Variants in ZFP82 observed in about 807,000 individuals in gnomAD.
ZFP82 encodes the protein zinc finger protein 82 homolog.
A neutral mutation model predicts 54.0 loss-of-function variants in ZFP82; 30 were observed. The ratio of observed to expected loss-of-function variants is 0.56; its 90% CI spans 0.42 to 0.75. The LOEUF is 0.75. Ranked by LOEUF, ZFP82 falls within the 30% of genes least tolerant of loss-of-function variation. The probability of loss-of-function intolerance (pLI) is 0.00; values close to 1 mark genes in which losing one functional copy is unlikely to be tolerated. For synonymous variants in ZFP82, 194 were observed against 209.5 expected, an observed-to-expected ratio of 0.93 and a Z score of 0.64; for missense variants, 500 against 636.8, an observed-to-expected ratio of 0.79 and a Z score of 2.31.
intron 4 of ZFP82, among the ~76,000 whole-genome samples, chr19:36,396,678 A>G (rs1600100138): frequency 6.6e-6 from 1 of 151,906 alleles, no homozygotes; most frequent in East Asian, 1.9e-4. Flanking sequence ...ATACATAAAT[A>G]AAGTAATTAA....
chr19:36,411,489 A>C (rs2032579696), intron 1 of ZFP82, among the ~76,000 whole-genome samples: 1 of 152,216 alleles, frequency 6.6e-6, no homozygotes, highest in Non-Finnish European at 1.5e-5. Flanking sequence ...CATAGATTTC[A>C]AAGTATGTAC....
At chr19:36,406,176 G>C (rs2032478452) in intron 3 of ZFP82, among the ~76,000 whole-genome samples, 1 of 152,040 alleles carries the variant, frequency 6.6e-6, no homozygotes, top group African/African-American at 2.4e-5. Context: ...AGCTTTCTGG[G>C]ACATGTATTA....
chr19:36,417,806 A>C (rs937983449), intron 1 of ZFP82, among the ~76,000 whole-genome samples: 1 of 152,186 alleles, frequency 6.6e-6, no homozygotes, highest in African/African-American at 2.4e-5. Flanking sequence ...TGGACTCTTC[A>C]GAGTTGTGAG....
In ZFP82 at chr19:36,390,329, G is replaced by GCCTTTTT. The variant is rs373296227; in HGVS notation, c.*2411_*2412insAAAAAGG. The GCCTTTTT allele has an allele frequency of 1.7e-5, 2 of 120,372 alleles. No homozygotes were observed. 7.5% of individuals were successfully genotyped at this position (120,372 alleles called of 1,614,324 possible). On this transcript the variant is annotated 3_prime_UTR_variant, in exon 5 of 5. Transcript: ENST00000392161. Reference sequence around the variant, plus strand: ...CTTTAAAGTGTAGGATTCCATTTTTGTCTTTTTTTTTTTTTTTTTTGACAT... The same window carrying GCCTTTTT: ...CTTTAAAGTGTAGGATTCCATTTTTGCCTTTTTTCTTTTTTTTTTTTTTTTTTGACAT...
rs748405846 is a variant in ZFP82, at chr19:36,408,368, G to T, written c.10-355C>A. Reference sequence around the variant, plus strand: ...ATTCCCAAGGAAGGTGAGTTCTTCCGCCCCTTTCTTCTTAAAGAACAGATT... The same window carrying T: ...ATTCCCAAGGAAGGTGAGTTCTTCCTCCCCTTTCTTCTTAAAGAACAGATT... On this transcript the variant is annotated intron_variant, in intron 2 of 4. Transcript: ENST00000392161. Among the ~76,000 whole-genome samples the T allele has an allele frequency of 4.8e-4, 73 of 152,026 alleles. 2 individuals are homozygous for T. The highest frequency in any genetic ancestry group is 1.2e-3 in the South Asian group (6 of 4,806).
At chr19:36,418,374 G>C (rs2032708907) in intron 1 of ZFP82, 118 bp downstream of exon 1, 2 of 152,328 alleles carry the variant, frequency 1.3e-5, no homozygotes, top group South Asian at 4.1e-4. Flanking sequence ...CTGCACCCAA[G>C]TCAGCCGCAC....
intron 1 of ZFP82, among the ~76,000 whole-genome samples, chr19:36,413,665 G>A (rs183293491): frequency 6.6e-6 from 1 of 152,212 alleles, no homozygotes; most frequent in Admixed American, 6.5e-5. Flanking sequence ...TCAAGATTCA[G>A]GATATGAACA....
intron 2 of ZFP82, 122 bp from the exon 3 acceptor site, chr19:36,408,135 TG>T: frequency 9.0e-7 from 1 of 1,106,968 alleles, no homozygotes; most frequent in South Asian, 1.6e-5. Flanking sequence ...AGGCTTGGGC[TG>T]GAAGCCTGCA....
rs1012243259 is a variant in ZFP82 at position 36,390,985 on chromosome 19, G to A, written c.*1756C>T. On this transcript the variant is annotated 3_prime_UTR_variant, in exon 5 of 5. Transcript: ENST00000392161. ...GGGTTTCACCGTGTTAGCCAGGATG[G>A]TCTTGATCTCCTGACCTCACGATCC... The A allele has an allele frequency of 1.3e-5, 2 of 152,226 alleles. No homozygotes were observed. Among genetic ancestry groups the A allele is most frequent in the African/African-American group, 4.8e-5 (2 of 41,398 alleles). The allele number at this position is 152,226 out of a possible 1,614,324, so 9.4% of individuals were successfully genotyped here. A position where few individuals can be genotyped will look rare whatever the true frequency, so the allele number is the denominator to read the frequency against.
chr19:36,404,747 G>C (rs1408863512), intron 4 of ZFP82, among the ~76,000 whole-genome samples: 1 of 152,088 alleles, frequency 6.6e-6, no homozygotes, highest in Non-Finnish European at 1.5e-5. Flanking sequence ...TCCCTCCCTC[G>C]AAATGCCCGT....
chr19:36,407,733 T>C (rs1420583508), intron 3 of ZFP82, among the ~76,000 whole-genome samples, 154 bp downstream of exon 3: 2 of 152,326 alleles, frequency 1.3e-5, no homozygotes, highest in Admixed American at 6.5e-5. Flanking sequence ...TTAATGAAGG[T>C]GCTCACTTCC....
Position 36,418,633 on chromosome 19 carries a change from T to G in ZFP82, c.-220A>C, listed in dbSNP as rs2032716041. On this transcript the variant is annotated 5_prime_UTR_variant, in exon 1 of 5. Transcript: ENST00000392161. ...AAGCCGCTGCCGGGTCACGCCACAA[T>G]CCCCGGGGCCTAACGGGCTGCGCGC... 6.6e-6 allele frequency: 1 copy of G among 152,248 alleles called. No homozygotes were observed. The highest frequency in any genetic ancestry group is 1.5e-5 in the Non-Finnish European group (1 of 68,134). The allele number at this position is 152,248 out of a possible 1,614,324, so 9.4% of individuals were successfully genotyped here.
chr19:36,393,321 C>T lies in ZFP82; in HGVS notation c.1019G>A (p.Cys340Tyr), dbSNP rs2032236820. The T allele has an allele frequency of 6.2e-7, 1 of 1,614,098 alleles. No homozygotes were observed. Among genetic ancestry groups the T allele is most frequent in the Non-Finnish European group, 8.5e-7 (1 of 1,180,008 alleles). Residue 340 changes from cysteine to tyrosine, a missense_variant, in exon 5 of 5, where the codon TGT becomes TAT. By Grantham distance (194) the Cys-to-Tyr change is radical. Coordinates refer to ENST00000392161, the MANE Select transcript of ZFP82 (RefSeq NM_133466.4). The part of the protein sequence containing the change: ...KLHTGEKPYE[C>Y]KECGKAFRVR... ...TCTAAAGGCCTTCCCGCATTCCTTA[C>T]ATTCATAGGGTTTCTCACCAGTATG...
chr19:36,413,900 ATTT>A (rs534093783), intron 1 of ZFP82, among the ~76,000 whole-genome samples: 36 of 138,216 alleles, frequency 2.6e-4, no homozygotes, highest in African/African-American at 8.2e-4. Flanking sequence ...ATCTTCAATA[ATTT>A]TTTTTTTTTT....
intron 4 of ZFP82, among the ~76,000 whole-genome samples, chr19:36,399,755 A>G (rs1480002653): frequency 6.6e-6 from 1 of 152,356 alleles, no homozygotes; most frequent in African/African-American, 2.4e-5. Flanking sequence ...AACTGGTGAT[A>G]AATACAGATT....
Position 36,390,577 on chromosome 19 carries a change from G to C in ZFP82, c.*2164C>G, listed in dbSNP as rs2032180167. On this transcript the variant is annotated 3_prime_UTR_variant, in exon 5 of 5. Coordinates refer to ENST00000392161, the MANE Select transcript of ZFP82 (RefSeq NM_133466.4). ...CCATTTCATCACATCAAGTTCATCT[G>C]GCTGATCTCATTTAGAGATGTTAAT... 1 of 151,988 alleles carries C rather than the reference G, an allele frequency of 6.6e-6. No homozygotes were observed. Among genetic ancestry groups the C allele is most frequent in the Admixed American group, 6.6e-5 (1 of 15,246 alleles). 9.4% of individuals were successfully genotyped at this position (151,988 alleles called of 1,614,324 possible). A position where few individuals can be genotyped will look rare whatever the true frequency, so the allele number is the denominator to read the frequency against.
intron 4 of ZFP82, among the ~76,000 whole-genome samples, chr19:36,405,040 C>T (rs1397122204): frequency 3.3e-5 from 5 of 151,832 alleles, no homozygotes; most frequent in African/African-American, 9.7e-5. Flanking sequence ...AAAAATTAGC[C>T]GGGTGTGGTG....
chr19:36,409,750 A>T, intron 2 of ZFP82, 31 bp downstream of exon 2: 1 of 1,612,530 alleles, frequency 6.2e-7, no homozygotes, highest in Non-Finnish European at 8.5e-7. Context: ...CCTTAACATG[A>T]TAGTATTCCT....
chr19:36,399,830 A>G (rs561184467), intron 4 of ZFP82, among the ~76,000 whole-genome samples: 22 of 152,190 alleles, frequency 1.4e-4, no homozygotes, highest in Non-Finnish European at 7.3e-5. Flanking sequence ...GAAAGAAAAC[A>G]TAACAATCAA....
Sources: allele counts gnomAD v4.1 joint callset (sites outside exome capture counted in the v4.1 genomes callset), GRCh38; gene constraint gnomAD v4.1.1; transcripts MANE v1.5; gene names NCBI Gene and HGNC (gene_info 2026-07-23, HGNC 2026-07-21).